CTSS: variants seen among roughly 807,000 people sequenced by gnomAD.
CTSS encodes cathepsin S.
A neutral mutation model predicts 39.9 loss-of-function variants in CTSS; 15 were observed. The ratio of observed to expected loss-of-function variants is 0.38; its 90% confidence interval spans 0.25 to 0.58. The LOEUF (loss-of-function observed/expected upper bound fraction) is 0.58, where lower values mean the gene tolerates loss of function less well. Ranked by LOEUF, CTSS falls within the 20% of genes least tolerant of loss-of-function variation. The pLI is 0.70. For missense variants in CTSS, 250 were observed against 398.2 expected, an observed-to-expected ratio of 0.63 and a Z score of 3.17; for synonymous variants, 126 against 138.2, an observed-to-expected ratio of 0.91 and a Z score of 0.62.
chr1:150,764,848 T>C (rs1653338177), intron 1 of CTSS, 84 bp from the exon 2 acceptor site: 31 of 1,504,228 alleles, frequency 2.1e-5, no homozygotes, highest in Non-Finnish European at 2.7e-5. Flanking sequence ...AAAATAACAA[T>C]GCAAAGTCTA....
intron 1 of CTSS, among the ~76,000 whole-genome samples, chr1:150,765,075 C>A (rs1170656152): frequency 2.1e-5 from 3 of 144,236 alleles, no homozygotes; most frequent in South Asian, 2.4e-4. Flanking sequence ...CAAATCTAAT[C>A]AAAGGAAATC....
chr1:150,757,870 G>A lies in CTSS; in HGVS notation c.237C>T (p.His79=), dbSNP rs988383058. Residue 79 remains histidine, a synonymous_variant, in exon 3 of 8, where the codon CAC becomes CAT. Transcript: ENST00000368985. ...GMHSYDLGMN[H]LGDMTSEEVM... is the part of the protein sequence containing the mutation. ...GTAATGTACCTACCATGTCTCCCAG[G>A]TGGTTCATGCCCAGATCGTATGAGT... is the stretch of plus-strand genomic sequence containing the variant. The A allele has an allele frequency of 2.5e-5, 40 of 1,613,602 alleles. No homozygotes were observed. The highest frequency in any genetic ancestry group is 4.0e-5 in the African/African-American group (3 of 74,906).
At chr1:150,750,478 G>C (rs1340665275) in intron 5 of CTSS, among the ~76,000 whole-genome samples, 1 of 152,172 alleles carries the variant, frequency 6.6e-6, no homozygotes, top group African/African-American at 2.4e-5. Context: ...ATAAACTCTA[G>C]ATGAGAGCTT....
At chr1:150,740,714 A>G (rs993647994) in intron 7 of CTSS, among the ~76,000 whole-genome samples, 1 of 150,058 alleles carries the variant, frequency 6.7e-6, no homozygotes, top group African/African-American at 2.5e-5. Context: ...TTTTCGAGAT[A>G]GGGTCTCATT....
chr1:150,764,533 C>T, intron 2 of CTSS, 105 bp downstream of exon 2: 1 of 1,482,190 alleles, frequency 6.7e-7, no homozygotes, highest in Non-Finnish European at 9.3e-7. Flanking sequence ...CCACCACACC[C>T]AGCTTAAATA....
chr1:150,747,794 G>A lies in CTSS; in HGVS notation c.879C>T (p.Tyr293=). ...VGYGDLNGKE[Y]WLVKNSWGHN... ...TATATTACCTGTTTTTCACAAGCCA[G>A]TATTCTTTCCCATTAAGATCACCAT... Residue 293 remains tyrosine, a synonymous_variant, in exon 7 of 8, where the codon TAC becomes TAT. Coordinates refer to ENST00000368985, the MANE Select transcript of CTSS (RefSeq NM_004079.5). 6.2e-7 allele frequency: 1 copy of A among 1,610,762 alleles called. No homozygotes were observed. Among genetic ancestry groups the A allele is most frequent in the Non-Finnish European group, 8.5e-7 (1 of 1,177,122 alleles).
intron 7 of CTSS, among the ~76,000 whole-genome samples, chr1:150,746,442 G>A (rs1411287443): frequency 6.6e-6 from 1 of 152,176 alleles, no homozygotes; most frequent in African/African-American, 2.4e-5. Flanking sequence ...CACTTAGTCT[G>A]TGCTGCGGAT....
At chr1:150,764,389 C>T (rs1313635744) in intron 2 of CTSS, among the ~76,000 whole-genome samples, 7 of 152,118 alleles carry the variant, frequency 4.6e-5, no homozygotes, top group Non-Finnish European at 2.9e-5. Flanking sequence ...AGGCGCCCAC[C>T]ACCACATCCA....
intron 4 of CTSS, among the ~76,000 whole-genome samples, chr1:150,752,272 A>G (rs1175603637): frequency 6.6e-6 from 1 of 152,200 alleles, no homozygotes; most frequent in African/African-American, 2.4e-5. Context: ...ATATACTTAG[A>G]AACAATACTC....
intron 4 of CTSS, among the ~76,000 whole-genome samples, chr1:150,752,291 T>C (rs2101920777): frequency 6.6e-6 from 1 of 152,322 alleles, no homozygotes; most frequent in Middle Eastern, 3.4e-3. Flanking sequence ...TCACTGAGCA[T>C]GTACCAAATT....
At chr1:150,756,708 C>CTTTTTTTTTTT (rs72242218) in intron 3 of CTSS, among the ~76,000 whole-genome samples, 3 of 131,180 alleles carry the variant, frequency 2.3e-5, no homozygotes, top group African/African-American at 5.6e-5. Flanking sequence ...TTCTTTCTTT[C>CTTTTTTTTTTT]TTTTTTTTTT....
At chr1:150,733,173 A>C (rs1422807171) in intron 7 of CTSS, 28 bp from the exon 8 acceptor site, 2 of 1,483,704 alleles carry the variant, frequency 1.3e-6, no homozygotes, top group East Asian at 4.5e-5. Flanking sequence ...ATACAAAATT[A>C]CAAATGCGTA....
intron 7 of CTSS, among the ~76,000 whole-genome samples, chr1:150,744,602 A>G (rs1652853435): frequency 8.5e-6 from 1 of 118,296 alleles, no homozygotes; most frequent in Non-Finnish European, 1.7e-5. Flanking sequence ...TATGTATATT[A>G]TGTATTATAT....
At chr1:150,754,900 T>C in intron 4 of CTSS, 101 bp downstream of exon 4, 1 of 1,223,510 alleles carries the variant, frequency 8.2e-7, no homozygotes, top group Non-Finnish European at 1.1e-6. Context: ...AACTAGAAAG[T>C]AACACGTGGG....
rs587756205 is a variant in CTSS at position 150,765,700 on chromosome 1, G to A, written c.-4C>T. ...GAAAAAGAACAAAGAGTACATACGT[G>A]ATAGAACCAGCAGTTGCTCCCACAG... On this transcript the variant is annotated splice_region_variant and 5_prime_UTR_variant, in exon 1 of 8. Coordinates refer to ENST00000368985, the MANE Select transcript of CTSS (RefSeq NM_004079.5). The A allele has an allele frequency of 1.3e-5, 2 of 152,320 alleles. No homozygotes were observed. The highest frequency in any genetic ancestry group is 4.1e-4 in the South Asian group (2 of 4,824). The allele number at this position is 152,320 out of a possible 1,614,324, so 9.4% of individuals were successfully genotyped here.
intron 2 of CTSS, among the ~76,000 whole-genome samples, chr1:150,762,247 C>G (rs1323131729): frequency 4.6e-5 from 7 of 152,056 alleles, no homozygotes; most frequent in Non-Finnish European, 7.4e-5. Flanking sequence ...AAATTGAACC[C>G]TTATGTCACC....
At chr1:150,760,389 G>A (rs866782549) in intron 2 of CTSS, among the ~76,000 whole-genome samples, 1 of 152,268 alleles carries the variant, frequency 6.6e-6, no homozygotes, top group Non-Finnish European at 1.5e-5. Flanking sequence ...CAAGACTACA[G>A]CTAACACCAT....
At chr1:150,761,535 C>A (rs1653263666) in intron 2 of CTSS, among the ~76,000 whole-genome samples, 1 of 151,870 alleles carries the variant, frequency 6.6e-6, no homozygotes, top group East Asian at 1.9e-4. Context: ...AGTTTGAGAC[C>A]AGCCTGACCA....
At chr1:150,753,363 C>T (rs779501528) in intron 4 of CTSS, among the ~76,000 whole-genome samples, 2 of 152,206 alleles carry the variant, frequency 1.3e-5, no homozygotes, top group African/African-American at 2.4e-5. Flanking sequence ...TTACAAGGCA[C>T]ATATTTCATA....
Sources: gnomAD v4.1 joint callset for allele counts (sites outside exome capture counted in the v4.1 genomes callset) on GRCh38, gnomAD v4.1.1 for gene constraint, MANE v1.5 for transcripts, NCBI Gene and HGNC (gene_info 2026-07-23, HGNC 2026-07-21) for gene names.